The following MVB12B variants were observed in gnomAD, a reference collection of about 807,000 sequenced individuals.
The protein encoded by MVB12B is multivesicular body subunit 12B.
Under a neutral mutation model 41.6 loss-of-function variants are expected in MVB12B, and 16 were observed. That is an observed-to-expected ratio of 0.38 (90% CI 0.26 to 0.58). The LOEUF is 0.58. Among genes scored for constraint, MVB12B ranks in the 20% least tolerant of loss-of-function variants. The probability of loss-of-function intolerance (pLI) is 0.62; values close to 1 mark genes in which losing one functional copy is unlikely to be tolerated. For missense variants in MVB12B, 274 were observed against 380.2 expected (o/e 0.72, Z 2.32); for synonymous variants, 133 against 139.7 (o/e 0.95, Z 0.34).
intron 1 of MVB12B, among the ~76,000 whole-genome samples, chr9:126,332,219 G>A (rs917451686): frequency 4.6e-5 from 7 of 151,938 alleles, no homozygotes; most frequent in East Asian, 3.9e-4. Context: ...CTTTCCCTGC[G>A]TCACCAGGCA....
At chr9:126,428,035 C>T (rs994704082) in intron 7 of MVB12B, among the ~76,000 whole-genome samples, 7 of 151,420 alleles carry the variant, frequency 4.6e-5, no homozygotes, top group Admixed American at 4.6e-4. Context: ...TTTTTAAAAA[C>T]CAGCCCCCCT....
At chr9:126,371,968 C>T (rs1830352817) in intron 2 of MVB12B, among the ~76,000 whole-genome samples, 1 of 152,190 alleles carries the variant, frequency 6.6e-6, no homozygotes, top group Admixed American at 6.5e-5. Flanking sequence ...ACAACTATCA[C>T]TGCCACCTAA....
chr9:126,395,828 CTT>C lies in MVB12B; in HGVS notation c.662+133_662+134del. ...CTGAATAATTGTAGAAGCAATATAT[CTT>C]TAGAGGAGATTTTTAAAAATCCACT... On this transcript the variant is annotated intron_variant, in intron 6 of 9. Coordinates refer to ENST00000361171, the MANE Select transcript of MVB12B (RefSeq NM_033446.3). This position sits in a 1 kb window ranked among gnomAD's most constrained non-coding sequence, Gnocchi z 4.9. 1 of 1,473,876 alleles carries C rather than the reference CTT, an allele frequency of 6.8e-7. No individual in the cohort carries two copies. The highest frequency in any genetic ancestry group is 2.3e-5 in the East Asian group (1 of 42,744). 91.3% of individuals were successfully genotyped at this position (1,473,876 alleles called of 1,614,324 possible).
intron 2 of MVB12B, among the ~76,000 whole-genome samples, chr9:126,358,948 A>G (rs1158650100): frequency 6.6e-6 from 1 of 152,240 alleles, no homozygotes; most frequent in African/African-American, 2.4e-5. Context: ...ATACTATTTA[A>G]CAGAAAGTAC....
chr9:126,349,257 G>T (rs548442524), intron 2 of MVB12B, among the ~76,000 whole-genome samples: 1 of 152,270 alleles, frequency 6.6e-6, no homozygotes, highest in Admixed American at 6.5e-5. Context: ...GGGGAATCGT[G>T]TCCTGGACTG....
intron 7 of MVB12B, among the ~76,000 whole-genome samples, chr9:126,455,556 C>T (rs1156377139): frequency 2.6e-5 from 4 of 152,202 alleles, no homozygotes; most frequent in Non-Finnish European, 5.9e-5. Context: ...AAGATCATCA[C>T]TCACTGCAGC....
intron 7 of MVB12B, among the ~76,000 whole-genome samples, chr9:126,458,572 C>T (rs1469968477): frequency 5.3e-5 from 8 of 152,092 alleles, no homozygotes; most frequent in African/African-American, 1.4e-4. Flanking sequence ...GAACAGGCGC[C>T]AGGTCTCCTG....
At chr9:126,407,480 A>AC (rs1235531875) in intron 6 of MVB12B, among the ~76,000 whole-genome samples, 1 of 152,142 alleles carries the variant, frequency 6.6e-6, no homozygotes, top group Admixed American at 6.5e-5. Flanking sequence ...GTAATTTGTC[A>AC]CTTTAGAGGA....
intron 2 of MVB12B, among the ~76,000 whole-genome samples, chr9:126,374,605 C>T (rs114255337): frequency 0.017 from 2,608 of 152,330 alleles, 67 homozygotes; most frequent in East Asian, 0.068. Flanking sequence ...TGGCAGCCAC[C>T]ATCCCAGGGA....
intron 7 of MVB12B, among the ~76,000 whole-genome samples, chr9:126,431,585 G>A (rs928895737): frequency 2.0e-5 from 3 of 152,098 alleles, no homozygotes; most frequent in African/African-American, 7.2e-5. Flanking sequence ...TTAAACAGGC[G>A]GCCACCTTCC....
intron 6 of MVB12B, among the ~76,000 whole-genome samples, chr9:126,410,475 C>T (rs2119055398): frequency 6.6e-6 from 1 of 152,254 alleles, no homozygotes; most frequent in East Asian, 1.9e-4. Flanking sequence ...GTACTACTTC[C>T]CTTGCTGGGT....
rs192363618 is a variant in MVB12B, at chr9:126,396,458, G to A, written c.662+761G>A. ...AGCAACACTTAGGGATTGACATAAC[G>A]TAAATGAGAATGGATCTCCAAGCTT... On this transcript the variant is annotated intron_variant, in intron 6 of 9. Coordinates refer to ENST00000361171, the MANE Select transcript of MVB12B (RefSeq NM_033446.3). 57 of 985,508 alleles carry A rather than the reference G, an allele frequency of 5.8e-5. 1 individual carries two copies. In the East Asian group the frequency reaches 4.1e-3, roughly 71 times the overall value. The allele number at this position is 985,508 out of a possible 1,614,324, so 61.0% of individuals were successfully genotyped here.
At chr9:126,374,583 A>T (rs1393809101) in intron 2 of MVB12B, among the ~76,000 whole-genome samples, 1 of 152,166 alleles carries the variant, frequency 6.6e-6, no homozygotes, top group Non-Finnish European at 1.5e-5. Context: ...CCTTGTGTCG[A>T]TTCTGTGGCA....
At chr9:126,425,910 C>T (rs1366122194) in intron 7 of MVB12B, among the ~76,000 whole-genome samples, 1 of 152,166 alleles carries the variant, frequency 6.6e-6, no homozygotes, top group African/African-American at 2.4e-5. Flanking sequence ...AAACTAAAGC[C>T]CATGGCCCAA....
intron 7 of MVB12B, among the ~76,000 whole-genome samples, chr9:126,428,435 T>C (rs1832241627): frequency 6.6e-6 from 1 of 152,184 alleles, no homozygotes; most frequent in Non-Finnish European, 1.5e-5. Context: ...ATCTACAGCA[T>C]ACCAAACAAT....
At chr9:126,457,510 T>C (rs1449056439) in intron 7 of MVB12B, among the ~76,000 whole-genome samples, 1 of 152,190 alleles carries the variant, frequency 6.6e-6, no homozygotes, top group Non-Finnish European at 1.5e-5. Context: ...ACCATGAATG[T>C]TATTTTTTTA....
intron 6 of MVB12B, among the ~76,000 whole-genome samples, chr9:126,401,677 C>T (rs1831272615): frequency 6.6e-6 from 1 of 152,378 alleles, no homozygotes; most frequent in East Asian, 1.9e-4. Context: ...ATCTAGAATT[C>T]AGGCCGTGCT....
At chr9:126,341,751 C>T (rs1436111881) in intron 2 of MVB12B, among the ~76,000 whole-genome samples, 2 of 152,202 alleles carry the variant, frequency 1.3e-5, no homozygotes, top group African/African-American at 4.8e-5. Flanking sequence ...TAGCACCTGT[C>T]CCTCCTCCCC....
intron 7 of MVB12B, among the ~76,000 whole-genome samples, chr9:126,444,326 G>A (rs1208797200): frequency 3.9e-5 from 6 of 152,006 alleles, no homozygotes; most frequent in African/African-American, 1.5e-4. Flanking sequence ...CTGCATGTAT[G>A]AAAGAGGTTT....
Sources: allele counts gnomAD v4.1 joint callset (sites outside exome capture counted in the v4.1 genomes callset), GRCh38; gene constraint gnomAD v4.1.1; non-coding constraint Gnocchi (gnomAD v3.1); transcripts MANE v1.5; gene names NCBI Gene and HGNC (gene_info 2026-07-23, HGNC 2026-07-21).